The following EFNB2 variants were observed in gnomAD, a reference collection of about 807,000 sequenced individuals.
EFNB2 encodes the protein ephrin-B2.
A neutral mutation model predicts 32.1 loss-of-function variants in EFNB2; 5 were observed. That is an observed-to-expected ratio of 0.16 (90% confidence interval 0.08 to 0.33). EFNB2 has a LOEUF of 0.33. Among genes scored for constraint, EFNB2 ranks in the 10% least tolerant of loss-of-function variants. EFNB2 has a pLI of 1.00. For synonymous variants in EFNB2, 168 were observed against 166.5 expected (o/e 1.01, Z -0.07); for missense variants, 263 against 422.6 (o/e 0.62, Z 3.31).
At chr13:106,503,288 C>T (rs1258848369) in intron 2 of EFNB2, among the ~76,000 whole-genome samples, 1 of 151,968 alleles carries the variant, frequency 6.6e-6, no homozygotes, top group Non-Finnish European at 1.5e-5. Context: ...AAAAAAAAAG[C>T]TTTTCTTCTA....
chr13:106,497,505 T>G (rs1878630255), intron 2 of EFNB2, among the ~76,000 whole-genome samples: 1 of 151,914 alleles, frequency 6.6e-6, no homozygotes, highest in African/African-American at 2.4e-5. Flanking sequence ...TCTGTGAATC[T>G]AAAAAAAATC....
chr13:106,493,521 A>G lies in EFNB2; in HGVS notation c.614-93T>C. 1 of 1,484,588 alleles carries G rather than the reference A, an allele frequency of 6.7e-7. No individual in the cohort carries two copies. The highest frequency in any genetic ancestry group is 9.0e-7 in the Non-Finnish European group (1 of 1,116,284). The allele number at this position is 1,484,588 out of a possible 1,614,324, so 92.0% of individuals were successfully genotyped here. On this transcript the variant is annotated intron_variant, in intron 4 of 4. Transcript: ENST00000646441. This position sits in a 1 kb window ranked among gnomAD's most constrained non-coding sequence, Gnocchi z 6.1. ...ATGACCCTTAAAAATGTGAAAAATA[A>G]GCCAGGCTTATTACTAACTAGAAGC... is the stretch of plus-strand genomic sequence containing the variant.
intron 2 of EFNB2, among the ~76,000 whole-genome samples, chr13:106,503,758 T>C (rs1265483441): frequency 1.3e-5 from 2 of 150,670 alleles, no homozygotes. Flanking sequence ...TAAAACCCCA[T>C]GTCTTGAAAA....
intron 2 of EFNB2, chr13:106,506,572 T>C (rs1351925234): frequency 6.6e-6 from 1 of 152,166 alleles, no homozygotes; most frequent in African/African-American, 2.4e-5. Flanking sequence ...TATAATTAAG[T>C]TATGCAGCAT....
At chr13:106,534,553 G>A (rs1306849402) in intron 1 of EFNB2, among the ~76,000 whole-genome samples, 1 of 152,216 alleles carries the variant, frequency 6.6e-6, no homozygotes, top group Non-Finnish European at 1.5e-5. Flanking sequence ...GTCAGGTATC[G>A]CCATCGGACA....
chr13:106,500,414 A>C (rs1341118834), intron 2 of EFNB2, among the ~76,000 whole-genome samples: 2 of 152,224 alleles, frequency 1.3e-5, no homozygotes, highest in Non-Finnish European at 2.9e-5. Context: ...AGAATGAAGC[A>C]CCAGGAAATA....
At chr13:106,497,929 G>A (rs1594161874) in intron 2 of EFNB2, among the ~76,000 whole-genome samples, 1 of 152,160 alleles carries the variant, frequency 6.6e-6, no homozygotes, top group South Asian at 2.1e-4. Flanking sequence ...ATTAGGATAT[G>A]TCTGCATATA....
At position 106,490,813 on chromosome 13, in the gene EFNB2, A is replaced by G. The variant is rs1340371275; in HGVS notation, c.*2227T>C. On this transcript the variant is annotated 3_prime_UTR_variant, in exon 5 of 5. Transcript: ENST00000646441. ...ACACATGTATACCACGCACCCACTC[A>G]CACATACACACACGCACTTTGGACC... The G allele has an allele frequency of 2.0e-5, 3 of 152,478 alleles. No individual in the cohort carries two copies. The highest frequency in any genetic ancestry group is 4.4e-5 in the Non-Finnish European group (3 of 68,016). The allele number at this position is 152,478 out of a possible 1,614,324, so 9.4% of individuals were successfully genotyped here.
intron 1 of EFNB2, among the ~76,000 whole-genome samples, chr13:106,522,799 T>C (rs1156859117): frequency 6.6e-6 from 1 of 152,180 alleles, no homozygotes; most frequent in Non-Finnish European, 1.5e-5. Flanking sequence ...GGGGCTGCCA[T>C]TCCTGCTCCT....
intron 3 of EFNB2, 26 bp downstream of exon 3, chr13:106,495,722 G>A (rs769816018): frequency 6.1e-5 from 98 of 1,608,148 alleles, no homozygotes; most frequent in South Asian, 5.7e-4. Flanking sequence ...TCACAGTGGC[G>A]TCATGAAGCA....
rs1196383730 is a variant in EFNB2 at position 106,518,928 on chromosome 13, CTGT to C, written c.123-6119_123-6117del. ...ATCGCTGGGGGGCCACTTGATGCTG[CTGT>C]AGTCTCTGAAAATACATGCGAAATG... On this transcript the variant is annotated intron_variant, in intron 1 of 4. Coordinates refer to ENST00000646441, the MANE Select transcript of EFNB2 (RefSeq NM_004093.4). The surrounding 1 kb of genome is among the most constrained non-coding windows in gnomAD (Gnocchi z 4.1). The C allele has an allele frequency of 6.6e-6, 1 of 152,190 alleles. No individual in the cohort carries two copies. The highest frequency in any genetic ancestry group is 2.4e-5 in the African/African-American group (1 of 41,444). 9.4% of individuals were successfully genotyped at this position (152,190 alleles called of 1,614,324 possible).
At chr13:106,532,466 T>A in intron 1 of EFNB2, among the ~76,000 whole-genome samples, 1 of 152,174 alleles carries the variant, frequency 6.6e-6, no homozygotes, top group Admixed American at 6.5e-5. Flanking sequence ...TATTTACCGA[T>A]TCAAACTTTC....
At chr13:106,526,585 G>C (rs1239946142) in intron 1 of EFNB2, among the ~76,000 whole-genome samples, 4 of 85,748 alleles carry the variant, frequency 4.7e-5, no homozygotes, top group Non-Finnish European at 1.1e-4. Flanking sequence ...CCCATAGCAA[G>C]GGGGGGATTC....
At chr13:106,534,764 C>T (rs1018014179) in intron 1 of EFNB2, 79 bp downstream of exon 1, 3 of 1,491,182 alleles carry the variant, frequency 2.0e-6, no homozygotes, top group Non-Finnish European at 2.7e-6. Flanking sequence ...CGAGGCCCCG[C>T]GGACTGACCC....
chr13:106,528,905 C>T (rs1412232767), intron 1 of EFNB2, among the ~76,000 whole-genome samples: 5 of 152,136 alleles, frequency 3.3e-5, no homozygotes, highest in Non-Finnish European at 7.3e-5. Flanking sequence ...TTTACACCAC[C>T]TCTAACAGCC....
chr13:106,490,565 A>T lies in EFNB2; in HGVS notation c.*2475T>A, dbSNP rs1302874959. The T allele has an allele frequency of 6.6e-6, 1 of 152,152 alleles. No individual in the cohort carries two copies. Among genetic ancestry groups the T allele is most frequent in the Non-Finnish European group, 1.5e-5 (1 of 68,040 alleles). The allele number at this position is 152,152 out of a possible 1,614,324, so 9.4% of individuals were successfully genotyped here. A position where few individuals can be genotyped will look rare whatever the true frequency, so the allele number is the denominator to read the frequency against. On this transcript the variant is annotated 3_prime_UTR_variant, in exon 5 of 5. Coordinates refer to ENST00000646441, the MANE Select transcript of EFNB2 (RefSeq NM_004093.4). ...GATACATACATTTGATTTCATTAAA[A>T]TCAGACTATTTCCCATTTTTCCCCT... is the stretch of plus-strand genomic sequence containing the variant.
Position 106,491,311 on chromosome 13 carries a change from G to C in EFNB2, c.*1729C>G, listed in dbSNP as rs929160909. On this transcript the variant is annotated 3_prime_UTR_variant, in exon 5 of 5. Transcript: ENST00000646441. ...TCCGTGAGATGCCTTCGGAGGACTT[G>C]GTTATTTTTGCATTTGCTCTCATTA... 3 of 152,532 alleles carry C rather than the reference G, an allele frequency of 2.0e-5. No homozygotes were observed. The highest frequency in any genetic ancestry group is 7.2e-5 in the African/African-American group (3 of 41,422). The allele number at this position is 152,532 out of a possible 1,614,324, so 9.4% of individuals were successfully genotyped here. A position where few individuals can be genotyped will look rare whatever the true frequency, so the allele number is the denominator to read the frequency against.
chr13:106,498,062 G>T (rs1281357702), intron 2 of EFNB2, among the ~76,000 whole-genome samples: 1 of 152,066 alleles, frequency 6.6e-6, no homozygotes, highest in Non-Finnish European at 1.5e-5. Flanking sequence ...ACACGCAAAA[G>T]TGCACTCAAA....
chr13:106,534,625 G>A (rs1366437307), intron 1 of EFNB2, among the ~76,000 whole-genome samples: 1 of 151,896 alleles, frequency 6.6e-6, no homozygotes, highest in South Asian at 2.1e-4. Flanking sequence ...GTTCGGGGGA[G>A]GAAAGGCGGA....
Sources: allele counts gnomAD v4.1 joint callset (sites outside exome capture counted in the v4.1 genomes callset), GRCh38; gene constraint gnomAD v4.1.1; non-coding constraint Gnocchi (gnomAD v3.1); transcripts MANE v1.5; gene names NCBI Gene and HGNC (gene_info 2026-07-23, HGNC 2026-07-21).